The following BDNF variants were observed in gnomAD, a reference collection of about 807,000 sequenced individuals.
BDNF encodes brain derived neurotrophic factor.
A neutral mutation model predicts 19.5 loss-of-function variants in BDNF; 1 was observed. The ratio of observed to expected loss-of-function variants is 0.05; its 90% CI spans 0.02 to 0.24. BDNF has a LOEUF of 0.24. Among genes scored for constraint, BDNF ranks in the 10% least tolerant of loss-of-function variants. The probability of loss-of-function intolerance (pLI) is 1.00; values close to 1 mark genes in which losing one functional copy is unlikely to be tolerated. For missense variants in BDNF, 195 were observed against 317.6 expected, an observed-to-expected ratio of 0.61 and a Z score of 2.93; for synonymous variants, 100 against 121.6, an observed-to-expected ratio of 0.82 and a Z score of 1.17.
At chr11:27,700,989 A>G, upstream of BDNF, 1 of 1,361,606 alleles carries the variant, frequency 7.3e-7, no homozygotes, top group South Asian at 1.2e-5. Context: ...ACCTTCCTGC[A>G]CTACGGAGCT....
At chr11:27,686,359 G>C (rs1347169528) in intron 1 of BDNF, among the ~76,000 whole-genome samples, 6 of 151,990 alleles carry the variant, frequency 3.9e-5, no homozygotes, top group Non-Finnish European at 7.4e-5. Flanking sequence ...CAATTTGCCA[G>C]TCTGTGGTCT....
rs1300131222 is a variant in BDNF, at chr11:27,657,899, G to A, written c.666C>T (p.Ser222=). ...QSYVRALTMD[S]KKRIGWRFIR... ...TGAATCGCCAGCCAATTCTCTTTTT[G>A]CTATCCATGGTAAGGGCCCGCACGT... The change falls in exon 2 of 2, where the codon AGC becomes AGT. Residue 222 remains serine (S), a synonymous_variant. Transcript: ENST00000356660. This position sits in a 1 kb window ranked among gnomAD's most constrained non-coding sequence, Gnocchi z 5.0. The A allele has an allele frequency of 4.3e-6, 7 of 1,613,876 alleles. No homozygotes were observed. The highest frequency in any genetic ancestry group is 5.9e-6 in the Non-Finnish European group (7 of 1,180,024).
chr11:27,691,410 G>A (rs920651819), intron 1 of BDNF, among the ~76,000 whole-genome samples: 5 of 152,004 alleles, frequency 3.3e-5, no homozygotes, highest in African/African-American at 7.2e-5. Flanking sequence ...ATTAATGCAC[G>A]GTGAATTAAC....
rs748656340 is a variant in BDNF, at chr11:27,657,796, A to G, written c.*25T>C. On this transcript the variant is annotated 3_prime_UTR_variant, in exon 2 of 2. Coordinates refer to ENST00000356660, the MANE Select transcript of BDNF (RefSeq NM_001709.5). This position sits in a 1 kb window ranked among gnomAD's most constrained non-coding sequence, Gnocchi z 5.0. ...AATAGATAATTTTTGTCTCAATATAATCTAATCTATACAACATAAATCCAC... is the reference window on the plus strand; with the variant it reads ...AATAGATAATTTTTGTCTCAATATAGTCTAATCTATACAACATAAATCCAC... The G allele has an allele frequency of 6.2e-7, 1 of 1,610,632 alleles. No homozygotes were observed. The highest frequency in any genetic ancestry group is 1.1e-5 in the South Asian group (1 of 90,990).
At chr11:27,687,819 G>T (rs1016757796) in intron 1 of BDNF, among the ~76,000 whole-genome samples, 2 of 152,298 alleles carry the variant, frequency 1.3e-5, no homozygotes, top group East Asian at 3.9e-4. Context: ...GCCAGCCAGA[G>T]CTCTCCTGTA....
chr11:27,666,505 T>C (rs928747828), intron 1 of BDNF, among the ~76,000 whole-genome samples: 1 of 152,172 alleles, frequency 6.6e-6, no homozygotes, highest in East Asian at 1.9e-4. Flanking sequence ...TTGAACCTTT[T>C]AGCAAAGAAG....
chr11:27,688,662 G>A (rs1857826184), intron 1 of BDNF, among the ~76,000 whole-genome samples: 1 of 152,168 alleles, frequency 6.6e-6, no homozygotes, highest in Admixed American at 6.5e-5. Context: ...GCTAGGGGAG[G>A]GAGTTCCCCT....
In BDNF at chr11:27,656,423, G is replaced by A. The variant is rs1316334432; in HGVS notation, c.*1398C>T. 3 of 557,844 alleles carry A rather than the reference G, an allele frequency of 5.4e-6. No homozygotes were observed. The highest frequency in any genetic ancestry group is 2.1e-5 in the African/African-American group (1 of 48,542). 34.6% of individuals were successfully genotyped at this position (557,844 alleles called of 1,614,324 possible). On this transcript the variant is annotated 3_prime_UTR_variant, in exon 2 of 2. Transcript: ENST00000356660. ...TAGATAATGTAGGCACTTAAAGCACGAGGTCCAAGCAGCTTGACACATGTC... is the reference window on the plus strand; with the variant it reads ...TAGATAATGTAGGCACTTAAAGCACAAGGTCCAAGCAGCTTGACACATGTC...
intron 1 of BDNF, chr11:27,659,286 A>T: frequency 1.0e-6 from 1 of 996,716 alleles, no homozygotes; most frequent in South Asian, 4.7e-5. Context: ...AGTTTATGTT[A>T]GAACTCAGGG....
In BDNF at chr11:27,657,914, G is replaced by C; in HGVS notation, c.651C>G (p.Ala217=). The C allele has an allele frequency of 6.2e-6, 10 of 1,614,090 alleles. No individual in the cohort carries two copies. The highest frequency in any genetic ancestry group is 8.5e-6 in the Non-Finnish European group (10 of 1,180,020). ...TTCTCTTTTTGCTATCCATGGTAAG[G>C]GCCCGCACGTACGACTGGGTAGTTC... is the stretch of plus-strand genomic sequence containing the variant. ...QCRTTQSYVR[A]LTMDSKKRIG... Residue 217 remains alanine (A), a synonymous_variant, in exon 2 of 2, where the codon GCC becomes GCG. Coordinates refer to ENST00000356660, the MANE Select transcript of BDNF (RefSeq NM_001709.5). This position sits in a 1 kb window ranked among gnomAD's most constrained non-coding sequence, Gnocchi z 5.0.
At chr11:27,698,251 AAAAAAGT>A (rs1859398220) in intron 1 of BDNF, 1 of 135,176 alleles carries the variant, frequency 7.4e-6, no homozygotes, top group Non-Finnish European at 1.6e-5. Context: ...AAAAAAAAAA[AAAAAAGT>A]CTTAAGCAAG....
At position 27,658,327 on chromosome 11, in the gene BDNF, T is replaced by A; in HGVS notation, c.238A>T (p.Asn80Tyr). 1 of 1,614,202 alleles carries A rather than the reference T, an allele frequency of 6.2e-7. No homozygotes were observed. Among genetic ancestry groups the A allele is most frequent in the Non-Finnish European group, 8.5e-7 (1 of 1,180,032 alleles). Residue 80 changes from asparagine to tyrosine, a missense_variant, in exon 2 of 2, where the codon AAT becomes TAT. By Grantham distance (143) the Asn-to-Tyr change is moderately radical. Coordinates refer to ENST00000356660, the MANE Select transcript of BDNF (RefSeq NM_001709.5). This position sits in a 1 kb window ranked among gnomAD's most constrained non-coding sequence, Gnocchi z 5.7. ...LLDEDQKVRP[N>Y]EENNKDADLY... ...TCTGCGTCCTTATTGTTTTCTTCAT[T>A]GGGCCGAACTTTCTGGTCCTCATCC...
At position 27,657,705 on chromosome 11, in the gene BDNF, A is replaced by G; in HGVS notation, c.*116T>C. The stretch of plus-strand genomic sequence containing the variant: ...CCACTGTACTGTATAAACTTCATTT[A>G]TACATGCAGTTCATAAAATTATTTT... On this transcript the variant is annotated 3_prime_UTR_variant, in exon 2 of 2. Transcript: ENST00000356660. The surrounding 1 kb of genome is among the most constrained non-coding windows in gnomAD (Gnocchi z 5.0). 6.6e-7 allele frequency: 1 copy of G among 1,513,678 alleles called. No individual in the cohort carries two copies. Among genetic ancestry groups the G allele is most frequent in the Non-Finnish European group, 8.8e-7 (1 of 1,139,888 alleles). The allele number at this position is 1,513,678 out of a possible 1,614,324, so 93.8% of individuals were successfully genotyped here. A position where few individuals can be genotyped will look rare whatever the true frequency, so the allele number is the denominator to read the frequency against.
At chr11:27,686,094 A>G (rs915626759) in intron 1 of BDNF, among the ~76,000 whole-genome samples, 4 of 152,078 alleles carry the variant, frequency 2.6e-5, no homozygotes, top group African/African-American at 9.7e-5. Flanking sequence ...TTGGGTGCAT[A>G]TATGTTTAGG....
chr11:27,702,243 G>C (rs910071017), upstream of BDNF, among the ~76,000 whole-genome samples: 4 of 152,272 alleles, frequency 2.6e-5, no homozygotes, highest in Admixed American at 2.6e-4. Context: ...GGACCTCCTC[G>C]GAGCATAAAA....
Position 27,721,540 on chromosome 11 carries a change from AC to A in BDNF, c.-127del, listed in dbSNP as rs964197489. 7.6e-5 allele frequency: 76 copies of A among 1,003,230 alleles called. No individual in the cohort carries two copies. The African/African-American group carries it at 7.9e-4, about 10-fold the overall frequency. The allele number at this position is 1,003,230 out of a possible 1,614,324, so 62.1% of individuals were successfully genotyped here. A position where few individuals can be genotyped will look rare whatever the true frequency, so the allele number is the denominator to read the frequency against. On this transcript the variant is annotated 5_prime_UTR_variant, in exon 1 of 2. Transcript: ENST00000314915. ...TTCGGCTTTGCTCAGTGGATCGCCCACCACTTGGTGTGACTTATGAATCTAA... is the reference window on the plus strand; with the variant it reads ...TTCGGCTTTGCTCAGTGGATCGCCCACACTTGGTGTGACTTATGAATCTAA...
At chr11:27,721,677 C>G (rs1349420074) in exon 1 of BDNF, 1 of 572,912 alleles carries the variant, frequency 1.7e-6, no homozygotes, top group Non-Finnish European at 3.1e-6. Context: ...CAAACGCCCT[C>G]ACTCCGAGAG....
At chr11:27,682,586 G>T (rs61888761) in intron 1 of BDNF, among the ~76,000 whole-genome samples, 1 of 151,992 alleles carries the variant, frequency 6.6e-6, no homozygotes, top group Non-Finnish European at 1.5e-5. Flanking sequence ...AGGCCCCAGT[G>T]TGTGATGTTC....
chr11:27,721,899 C>A, exon 1 of BDNF: 1 of 173,456 alleles, frequency 5.8e-6, no homozygotes, highest in Non-Finnish European at 1.2e-5. Context: ...GCTCCCTTGC[C>A]CACTACGCAG....
Sources: allele counts gnomAD v4.1 joint callset (sites outside exome capture counted in the v4.1 genomes callset), GRCh38; gene constraint gnomAD v4.1.1; non-coding constraint Gnocchi (gnomAD v3.1); transcripts MANE v1.5; gene names NCBI Gene and HGNC (gene_info 2026-07-23, HGNC 2026-07-21).